Variants in SNTG1 observed in about 807,000 individuals in gnomAD.
SNTG1 encodes gamma-1-syntrophin.
In SNTG1, 39 loss-of-function variants were observed where a neutral mutation model predicts 74.7. The ratio of observed to expected loss-of-function variants is 0.52; its 90% confidence interval spans 0.40 to 0.68. SNTG1 has a LOEUF of 0.68. SNTG1 is among the 30% of genes least tolerant of loss of function. SNTG1 has a pLI of 0.00. For missense variants in SNTG1, 685 were observed against 609.5 expected (o/e 1.12, Z -1.30); for synonymous variants, 254 against 217.1 (o/e 1.17, Z -1.49).
chr8:50,499,017 G>A (rs992401725), intron 8 of SNTG1, among the ~76,000 whole-genome samples: 8 of 151,554 alleles, frequency 5.3e-5, no homozygotes, highest in African/African-American at 1.9e-4. Flanking sequence ...GATGATTATA[G>A]TTTCTTTATA....
intron 17 of SNTG1, among the ~76,000 whole-genome samples, chr8:50,715,015 G>A (rs1436192360): frequency 6.6e-6 from 1 of 151,986 alleles, no homozygotes; most frequent in East Asian, 1.9e-4. Context: ...TTTTGTTTTC[G>A]CTTTACAAAA....
chr8:50,165,920 G>T (rs557164818), intron 1 of SNTG1, among the ~76,000 whole-genome samples: 47 of 150,574 alleles, frequency 3.1e-4, no homozygotes, highest in African/African-American at 1.1e-3. Context: ...TACCAAAACA[G>T]AGATATAGAT....
At chr8:50,573,737 C>A (rs545251328) in intron 12 of SNTG1, among the ~76,000 whole-genome samples, 1 of 151,646 alleles carries the variant, frequency 6.6e-6, no homozygotes, top group African/African-American at 2.4e-5. Flanking sequence ...GTTTTAGAAA[C>A]AGAATACTCA....
At chr8:49,982,640 G>T (rs557032897) in intron 1 of SNTG1, among the ~76,000 whole-genome samples, 1 of 148,194 alleles carries the variant, frequency 6.7e-6, no homozygotes, top group Non-Finnish European at 1.5e-5. Flanking sequence ...AAAACAGTGT[G>T]TGTGTGTGTG....
At chr8:50,245,458 G>A (rs761077842) in intron 2 of SNTG1, among the ~76,000 whole-genome samples, 11 of 152,050 alleles carry the variant, frequency 7.2e-5, no homozygotes, top group Admixed American at 2.0e-4. Flanking sequence ...TGAGGCGTGC[G>A]GATCACCTGA....
intron 2 of SNTG1, among the ~76,000 whole-genome samples, chr8:50,205,091 G>A (rs1037611681): frequency 8.5e-5 from 13 of 152,190 alleles, no homozygotes; most frequent in African/African-American, 3.1e-4. Flanking sequence ...ACCCAGTAAT[G>A]AGATGGCTGG....
At chr8:50,361,442 T>C (rs2091955803) in intron 2 of SNTG1, among the ~76,000 whole-genome samples, 1 of 152,324 alleles carries the variant, frequency 6.6e-6, no homozygotes, top group South Asian at 2.1e-4. Context: ...AGGTAAAGCA[T>C]CATAAGCATT....
intron 1 of SNTG1, among the ~76,000 whole-genome samples, chr8:50,002,781 A>G (rs1814864440): frequency 6.6e-6 from 1 of 152,186 alleles, no homozygotes; most frequent in Admixed American, 6.6e-5. Context: ...ACATATGCCC[A>G]TACAAAAACG....
chr8:49,987,289 A>T lies in SNTG1; in HGVS notation c.-103+75058A>T, dbSNP rs143711065. Among the ~76,000 whole-genome samples the T allele has an allele frequency of 4.7e-4, 72 of 152,366 alleles. No individual in the cohort carries two copies. The East Asian group carries it at 0.012, about 26-fold the overall frequency. The stretch of plus-strand genomic sequence containing the variant: ...AATAAAACATACAAGAATAAGAATG[A>T]GTTAGAAGAATAATTTCCAGAATGG... On this transcript the variant is annotated intron_variant, in intron 1 of 18. Transcript: ENST00000642720.
At chr8:50,533,368 A>G (rs1302930873) in intron 10 of SNTG1, among the ~76,000 whole-genome samples, 1 of 152,174 alleles carries the variant, frequency 6.6e-6, no homozygotes, top group African/African-American at 2.4e-5. Flanking sequence ...GTTGTTCTTG[A>G]GGATATTGTG....
At chr8:50,506,065 A>G (rs952797602) in intron 9 of SNTG1, among the ~76,000 whole-genome samples, 2 of 152,026 alleles carry the variant, frequency 1.3e-5, no homozygotes, top group African/African-American at 4.8e-5. Flanking sequence ...CTTTTGCATG[A>G]GGATATCCAG....
intron 4 of SNTG1, among the ~76,000 whole-genome samples, chr8:50,412,408 A>G (rs986141506): frequency 7.9e-5 from 12 of 152,068 alleles, no homozygotes; most frequent in African/African-American, 2.9e-4. Flanking sequence ...CCATTATTTA[A>G]ACTATTGAAT....
At chr8:50,482,639 G>A (rs2093750458) in intron 8 of SNTG1, among the ~76,000 whole-genome samples, 1 of 152,200 alleles carries the variant, frequency 6.6e-6, no homozygotes, top group African/African-American at 2.4e-5. Flanking sequence ...CATTTAGAGA[G>A]TAGAGAGACA....
At chr8:50,418,503 G>C (rs2093041551) in intron 4 of SNTG1, among the ~76,000 whole-genome samples, 1 of 151,822 alleles carries the variant, frequency 6.6e-6, no homozygotes, top group Non-Finnish European at 1.5e-5. Flanking sequence ...TTTACTTTTT[G>C]CACTTGCTCT....
intron 1 of SNTG1, among the ~76,000 whole-genome samples, chr8:49,938,382 TG>T (rs1808280187): frequency 6.6e-6 from 1 of 152,146 alleles, no homozygotes; most frequent in Admixed American, 6.5e-5. Context: ...CCCACTATTT[TG>T]TAGACAAAGG....
At chr8:50,576,064 T>C (rs1024845154) in intron 12 of SNTG1, among the ~76,000 whole-genome samples, 2 of 152,188 alleles carry the variant, frequency 1.3e-5, no homozygotes, top group Non-Finnish European at 2.9e-5. Context: ...TTCCATTCTC[T>C]CTCTGCTTTT....
chr8:50,411,499 A>T (rs2092948794), intron 4 of SNTG1, among the ~76,000 whole-genome samples: 1 of 152,024 alleles, frequency 6.6e-6, no homozygotes, highest in South Asian at 2.1e-4. Flanking sequence ...AAATAAAAAC[A>T]GAAGGAGGAA....
At chr8:50,660,261 G>GGA (rs201824217) in intron 15 of SNTG1, among the ~76,000 whole-genome samples, 2 of 143,084 alleles carry the variant, frequency 1.4e-5, no homozygotes, top group Non-Finnish European at 3.0e-5. Context: ...AAGGAGGGAA[G>GGA]GAGAGAGAGA....
intron 4 of SNTG1, among the ~76,000 whole-genome samples, chr8:50,431,751 T>C (rs1475429571): frequency 2.0e-5 from 3 of 152,194 alleles, no homozygotes; most frequent in African/African-American, 7.2e-5. Context: ...ATCTCATTGT[T>C]ATTTTAATTT....
Sources: allele counts gnomAD v4.1 joint callset (sites outside exome capture counted in the v4.1 genomes callset), GRCh38; gene constraint gnomAD v4.1.1; transcripts MANE v1.5; gene names NCBI Gene and HGNC (gene_info 2026-07-23, HGNC 2026-07-21).